KLHL14: variants seen among roughly 807,000 people sequenced by gnomAD.
The protein encoded by KLHL14 is kelch-like protein 14.
KLHL14 carries 22 observed loss-of-function variants against 64.3 expected under a neutral mutation model. That is an observed-to-expected ratio of 0.34 (90% CI 0.24 to 0.49). The LOEUF (loss-of-function observed/expected upper bound fraction) is 0.49. KLHL14 is among the 20% of genes least tolerant of loss of function. KLHL14 has a pLI of 0.99. For synonymous variants in KLHL14, 322 were observed against 333.4 expected, an observed-to-expected ratio of 0.97 and a Z score of 0.37; for missense variants, 661 against 789.0, an observed-to-expected ratio of 0.84 and a Z score of 1.94.
At chr18:32,768,390 G>GACACACACACACACACAC (rs10567081) in intron 2 of KLHL14, among the ~76,000 whole-genome samples, 1 of 141,588 alleles carries the variant, frequency 7.1e-6, no homozygotes, top group Non-Finnish European at 1.5e-5. Context: ...GAAACATAAT[G>GACACACACACACACACAC]ACACACACAC....
intron 8 of KLHL14, 109 bp downstream of exon 8, chr18:32,677,064 G>T: frequency 8.4e-7 from 1 of 1,192,212 alleles, no homozygotes; most frequent in Non-Finnish European, 1.2e-6. Flanking sequence ...TTGCATGTAA[G>T]TATGATACTC....
chr18:32,676,209 C>T (rs748073810), intron 8 of KLHL14, among the ~76,000 whole-genome samples: 2 of 152,068 alleles, frequency 1.3e-5, no homozygotes, highest in African/African-American at 2.4e-5. Flanking sequence ...TTCCAGTCTC[C>T]AGAAAATATG....
intron 3 of KLHL14, among the ~76,000 whole-genome samples, chr18:32,707,208 T>C (rs1248127158): frequency 1.3e-5 from 2 of 152,222 alleles, no homozygotes; most frequent in Non-Finnish European, 2.9e-5. Flanking sequence ...CTCAGCTCTA[T>C]ATCAGTTGCC....
At chr18:32,754,798 C>T (rs1916650) in intron 2 of KLHL14, among the ~76,000 whole-genome samples, 10,023 of 152,170 alleles carry the variant, frequency 0.066, 424 homozygotes, top group African/African-American at 0.11. Context: ...AGGCTTCTCC[C>T]GGAATATTCA....
intron 3 of KLHL14, among the ~76,000 whole-genome samples, chr18:32,711,625 T>C (rs1375381677): frequency 2.6e-5 from 4 of 151,946 alleles, no homozygotes; most frequent in African/African-American, 9.7e-5. Context: ...AAGTAGTTAA[T>C]GAACTGTCCT....
chr18:32,768,987 C>T (rs376292863), intron 2 of KLHL14, among the ~76,000 whole-genome samples: 2 of 152,198 alleles, frequency 1.3e-5, no homozygotes, highest in African/African-American at 4.8e-5. Context: ...CTTTACTCTC[C>T]TTTAAAAGTG....
At chr18:32,729,123 G>A (rs2050122316) in intron 3 of KLHL14, among the ~76,000 whole-genome samples, 1 of 152,176 alleles carries the variant, frequency 6.6e-6, no homozygotes, top group African/African-American at 2.4e-5. Flanking sequence ...GAAGCCAAAA[G>A]ATGAAATCTC....
chr18:32,681,643 G>C (rs1568063023), intron 5 of KLHL14, among the ~76,000 whole-genome samples: 2 of 152,074 alleles, frequency 1.3e-5, no homozygotes, highest in African/African-American at 2.4e-5. Flanking sequence ...TAATTGTTAA[G>C]TGCCATGCCC....
rs200246592 is a variant in KLHL14, at chr18:32,770,376, G to A, written c.216C>T (p.Val72=). 6 of 1,589,932 alleles carry A rather than the reference G, an allele frequency of 3.8e-6. No homozygotes were observed. The East Asian group carries it at 6.7e-5, about 18-fold the overall frequency. The change falls in exon 2 of 9, where the codon GTC becomes GTT. Residue 72 remains valine (V), a synonymous_variant. Transcript: ENST00000359358. The surrounding 1 kb of genome is among the most constrained non-coding windows in gnomAD (Gnocchi z 6.7). ...GGGCCCCCAGGCCGTCCTGGCCGCC[G>A]ACCCCTCCCCCGAGAGGGGGGTGGC... is the stretch of plus-strand genomic sequence containing the variant. ...FSSHPPLGGG[V]GGQDGLGAPK...
intron 4 of KLHL14, among the ~76,000 whole-genome samples, chr18:32,693,393 CACACACACACACACACACACAG>C (rs1432396341): frequency 8.4e-6 from 1 of 118,476 alleles, no homozygotes; most frequent in East Asian, 2.2e-4. Flanking sequence ...CACACACACA[CACACACACACACACACACACAG>C]AGAGAGAGAG....
chr18:32,752,955 T>TTGTGTGTGTGTG lies in KLHL14; in HGVS notation c.948-10918_948-10907dup, dbSNP rs71177874. On this transcript the variant is annotated intron_variant, in intron 2 of 8. Transcript: ENST00000359358. ...TCTGGGATGGGACCCAGCATCATAT[T>TTGTGTGTGTGTG]TGTGTGTGTGTGTGTGTGTGTGTGT... is the stretch of plus-strand genomic sequence containing the variant. Among the ~76,000 whole-genome samples the TTGTGTGTGTGTG allele has an allele frequency of 3.3e-4, 47 of 142,378 alleles. 1 individual carries two copies. The highest frequency in any genetic ancestry group is 4.8e-4 in the South Asian group (2 of 4,208). The allele number at this position is 142,378 out of a possible 152,430, so 93.4% of individuals were successfully genotyped here. A position where few individuals can be genotyped will look rare whatever the true frequency, so the allele number is the denominator to read the frequency against.
intron 3 of KLHL14, among the ~76,000 whole-genome samples, chr18:32,718,167 G>T (rs2050055749): frequency 6.6e-6 from 1 of 152,246 alleles, no homozygotes; most frequent in South Asian, 2.1e-4. Context: ...TTTAAACACA[G>T]ATTTAATTAT....
chr18:32,772,361 T>C (rs1301682193), intron 1 of KLHL14: 1 of 221,368 alleles, frequency 4.5e-6, no homozygotes, highest in Non-Finnish European at 9.7e-6. Flanking sequence ...CTGGCTTGCC[T>C]GAAACATCTT....
intron 1 of KLHL14, among the ~76,000 whole-genome samples, chr18:32,772,444 C>A (rs2050395338): frequency 6.6e-6 from 1 of 151,906 alleles, no homozygotes; most frequent in Non-Finnish European, 1.5e-5. Context: ...TGTCTCCCCC[C>A]GCCCCATCTT....
chr18:32,767,461 AG>A (rs1347814616), intron 2 of KLHL14, among the ~76,000 whole-genome samples: 1 of 152,260 alleles, frequency 6.6e-6, no homozygotes. Context: ...CTCTTTTAAA[AG>A]AAAATACAGT....
chr18:32,734,180 T>C, intron 3 of KLHL14: 1 of 702,910 alleles, frequency 1.4e-6, no homozygotes, highest in Non-Finnish European at 2.6e-6. Context: ...TCTCTGGTTT[T>C]CCTCCTTCTG....
intron 3 of KLHL14, among the ~76,000 whole-genome samples, chr18:32,703,344 GTGGAA>G (rs1383119559): frequency 1.3e-5 from 2 of 152,162 alleles, no homozygotes; most frequent in Non-Finnish European, 2.9e-5. Context: ...TTTTTGGAAG[GTGGAA>G]AAGATTGTGA....
intron 3 of KLHL14, among the ~76,000 whole-genome samples, chr18:32,728,627 G>A (rs1438444595): frequency 6.6e-6 from 1 of 152,148 alleles, no homozygotes; most frequent in African/African-American, 2.4e-5. Context: ...CTGGATTAGG[G>A]TAGGCCCTAA....
Position 32,770,616 on chromosome 18 carries a change from C to T in KLHL14, c.-25G>A. The stretch of plus-strand genomic sequence containing the variant: ...TGGCGAGCTGACTCGGTGCACCTGG[C>T]TTTAAACCCTCCTCCAACCTGGCAG... On this transcript the variant is annotated 5_prime_UTR_variant, in exon 2 of 9. Coordinates refer to ENST00000359358, the MANE Select transcript of KLHL14 (RefSeq NM_020805.3). The surrounding 1 kb of genome is among the most constrained non-coding windows in gnomAD (Gnocchi z 6.7). The T allele has an allele frequency of 7.9e-7, 1 of 1,257,996 alleles. No individual in the cohort carries two copies. 77.9% of individuals were successfully genotyped at this position (1,257,996 alleles called of 1,614,324 possible).
Sources: allele counts gnomAD v4.1 joint callset (sites outside exome capture counted in the v4.1 genomes callset), GRCh38; gene constraint gnomAD v4.1.1; non-coding constraint Gnocchi (gnomAD v3.1); transcripts MANE v1.5; gene names NCBI Gene and HGNC (gene_info 2026-07-23, HGNC 2026-07-21).